The following THEMIS variants were observed in gnomAD, a reference collection of about 807,000 sequenced individuals.
The protein encoded by THEMIS is thymocyte selection associated.
In THEMIS, 37 loss-of-function variants were observed where a neutral mutation model predicts 52.6. The observed-to-expected ratio is 0.70, with a 90% confidence interval of 0.54 to 0.93. THEMIS has a LOEUF of 0.93. Among genes scored for constraint, THEMIS ranks in the 40% least tolerant of loss-of-function variants. The probability of loss-of-function intolerance (pLI) is 0.00; values close to 1 mark genes in which losing one functional copy is unlikely to be tolerated. For synonymous variants in THEMIS, 292 were observed against 272.7 expected, an observed-to-expected ratio of 1.07 and a Z score of -0.70; for missense variants, 808 against 763.1, an observed-to-expected ratio of 1.06 and a Z score of -0.69.
chr6:127,755,567 T>A (rs1338100685), intron 4 of THEMIS, among the ~76,000 whole-genome samples: 1 of 152,206 alleles, frequency 6.6e-6, no homozygotes, highest in Non-Finnish European at 1.5e-5. Context: ...GTATAAACAT[T>A]TTGCACAATT....
intron 1 of THEMIS, among the ~76,000 whole-genome samples, chr6:127,862,428 A>ATT (rs71028110): frequency 0.017 from 1,272 of 72,766 alleles, 128 homozygotes; most frequent in African/African-American, 0.055. Flanking sequence ...TAGGGAGTAA[A>ATT]TTTTTTTTTT....
chr6:127,812,467 C>T (rs1777940555), intron 4 of THEMIS, among the ~76,000 whole-genome samples: 1 of 152,134 alleles, frequency 6.6e-6, no homozygotes, highest in South Asian at 2.1e-4. Flanking sequence ...ACCAGTAACC[C>T]CCCATCCCCA....
the THEMIS span, among the ~76,000 whole-genome samples, chr6:127,697,016 T>C: frequency 1.3e-5 from 2 of 152,032 alleles, no homozygotes; most frequent in Non-Finnish European, 2.9e-5. Context: ...CACACACACA[T>C]ACACGTACAT....
intron 1 of THEMIS, among the ~76,000 whole-genome samples, chr6:127,909,487 G>A (rs576534373): frequency 2.0e-5 from 3 of 152,208 alleles, no homozygotes; most frequent in African/African-American, 7.2e-5. Context: ...TGTGAAGAAG[G>A]ACATGTTTGC....
intron 1 of THEMIS, among the ~76,000 whole-genome samples, chr6:127,869,311 G>A (rs956371493): frequency 6.6e-6 from 1 of 152,096 alleles, no homozygotes; most frequent in Non-Finnish European, 1.5e-5. Context: ...TGCTCAGAAC[G>A]CGTAAAGCAC....
chr6:127,698,984 C>G, the THEMIS span, among the ~76,000 whole-genome samples: 1 of 151,844 alleles, frequency 6.6e-6, no homozygotes, highest in Non-Finnish European at 1.5e-5. Flanking sequence ...AGTTTTGCAG[C>G]TGATACATTT....
At chr6:127,803,190 T>C (rs1398287273) in intron 4 of THEMIS, among the ~76,000 whole-genome samples, 1 of 152,196 alleles carries the variant, frequency 6.6e-6, no homozygotes, top group Non-Finnish European at 1.5e-5. Context: ...ATGCTATAAT[T>C]AGAATATTTT....
chr6:127,907,461 C>T (rs752651280), intron 1 of THEMIS, among the ~76,000 whole-genome samples: 2 of 146,446 alleles, frequency 1.4e-5, no homozygotes, highest in Non-Finnish European at 3.0e-5. Context: ...GAAGAGACTA[C>T]CTTCTCCTAG....
rs1406300783 is a variant in THEMIS, at chr6:127,854,934, A to C, written c.250+96T>G. 6.0e-6 allele frequency: 7 copies of C among 1,158,770 alleles called. No individual in the cohort carries two copies. The East Asian group carries it at 1.8e-4, about 30-fold the overall frequency. The allele number at this position is 1,158,770 out of a possible 1,614,324, so 71.8% of individuals were successfully genotyped here. A position where few individuals can be genotyped will look rare whatever the true frequency, so the allele number is the denominator to read the frequency against. On this transcript the variant is annotated intron_variant, in intron 2 of 5. Coordinates refer to ENST00000368248, the MANE Select transcript of THEMIS (RefSeq NM_001010923.3). ...TTTCCCCCCCATTATCCTAGAGTGA[A>C]AAACAGACCATTTTTTTCTTGTTTT...
intron 1 of THEMIS, among the ~76,000 whole-genome samples, chr6:127,913,620 A>G (rs555753078): frequency 2.0e-3 from 305 of 152,354 alleles, no homozygotes; most frequent in Non-Finnish European, 3.8e-3. Context: ...ACACAGGCCA[A>G]TGTTAGAGTG....
chr6:127,735,473 T>C (rs573641283), intron 4 of THEMIS, among the ~76,000 whole-genome samples: 3 of 152,306 alleles, frequency 2.0e-5, no homozygotes, highest in African/African-American at 7.2e-5. Flanking sequence ...ATGATTTGGA[T>C]GCACGTGATT....
chr6:127,885,047 A>G (rs1780604010), intron 1 of THEMIS, among the ~76,000 whole-genome samples: 1 of 152,166 alleles, frequency 6.6e-6, no homozygotes, highest in Non-Finnish European at 1.5e-5. Context: ...CTTCTAATGC[A>G]GTCACACTAG....
intron 1 of THEMIS, among the ~76,000 whole-genome samples, chr6:127,872,622 G>A (rs1780191452): frequency 6.6e-6 from 1 of 151,968 alleles, no homozygotes; most frequent in Non-Finnish European, 1.5e-5. Context: ...GCTTAAATTG[G>A]TAAGGATAAT....
chr6:127,804,798 AT>A (rs1777646979), intron 4 of THEMIS, among the ~76,000 whole-genome samples: 3 of 152,158 alleles, frequency 2.0e-5, no homozygotes, highest in Non-Finnish European at 4.4e-5. Flanking sequence ...ACAACTGGTA[AT>A]TGCATACTTT....
At chr6:127,904,601 A>T (rs778644238), upstream of THEMIS, among the ~76,000 whole-genome samples, 1 of 152,112 alleles carries the variant, frequency 6.6e-6, no homozygotes, top group Non-Finnish European at 1.5e-5. Flanking sequence ...ATTTAAAAAT[A>T]CAACATCTAT....
Position 127,728,741 on chromosome 6 carries a change from C to T in THEMIS, c.1759-8918G>A, listed in dbSNP as rs116676644. On this transcript the variant is annotated intron_variant, in intron 4 of 5. Coordinates refer to ENST00000368248, the MANE Select transcript of THEMIS (RefSeq NM_001010923.3). ...GAGTTGGGATTGGGGGTGAGGTGGC[C>T]GGGAGGAAGAACCAATAACAAATAC... Among the ~76,000 whole-genome samples, 446 of 151,610 alleles carry T rather than the reference C, an allele frequency of 2.9e-3. 1 individual carries two copies. The highest frequency in any genetic ancestry group is 9.9e-3 in the African/African-American group (411 of 41,316).
intron 2 of THEMIS, among the ~76,000 whole-genome samples, chr6:127,843,918 C>A (rs1233879027): frequency 3.9e-5 from 6 of 151,998 alleles, no homozygotes; most frequent in East Asian, 1.9e-4. Flanking sequence ...ACAGTCAAAT[C>A]TTCAGAGACT....
intron 4 of THEMIS, among the ~76,000 whole-genome samples, chr6:127,748,059 C>A (rs1269354160): frequency 6.6e-6 from 1 of 152,096 alleles, no homozygotes; most frequent in Non-Finnish European, 1.5e-5. Context: ...TCAATTTTTT[C>A]CACTTTGTTT....
chr6:127,734,248 T>C (rs562482479), intron 4 of THEMIS, among the ~76,000 whole-genome samples: 1 of 152,348 alleles, frequency 6.6e-6, no homozygotes, highest in East Asian at 1.9e-4. Flanking sequence ...CTTTACTTGA[T>C]AAGTTTTCAG....
Sources: allele counts gnomAD v4.1 joint callset (sites outside exome capture counted in the v4.1 genomes callset), GRCh38; gene constraint gnomAD v4.1.1; transcripts MANE v1.5; gene names NCBI Gene and HGNC (gene_info 2026-07-23, HGNC 2026-07-21).